The following ZNF142 variants were observed in gnomAD, a reference collection of about 807,000 sequenced individuals.
ZNF142 encodes zinc finger protein 142 (clone pHZ-49).
ZNF142 carries 96 observed loss-of-function variants against 132.1 expected under a neutral mutation model. The observed-to-expected ratio is 0.73, with a 90% CI of 0.62 to 0.86. The LOEUF (loss-of-function observed/expected upper bound fraction) is 0.86. Ranked by LOEUF, ZNF142 falls within the 40% of genes least tolerant of loss-of-function variation. ZNF142 has a pLI of 0.00. For missense variants in ZNF142, 2,163 were observed against 2,336.2 expected (o/e 0.93, Z 1.53); for synonymous variants, 842 against 890.1 (o/e 0.95, Z 0.96).
At chr2:218,657,132 C>G (rs920947157) in intron 3 of ZNF142, among the ~76,000 whole-genome samples, 2 of 151,728 alleles carry the variant, frequency 1.3e-5, no homozygotes, top group African/African-American at 4.8e-5. Context: ...TCCCTCTTAA[C>G]CTTTGATAAT....
chr2:218,642,538 G>T lies in ZNF142; in HGVS notation c.4578C>A (p.Gly1526=), dbSNP rs200574990. ...ACCCACAGCGGGAACAGTGCAGGGGGCCCTCAGTGGTCTCTGCAGGAGAGC... is the reference window on the plus strand; with the variant it reads ...ACCCACAGCGGGAACAGTGCAGGGGTCCCTCAGTGGTCTCTGCAGGAGAGC... The part of the protein sequence containing the change: ...APGSPAETTE[G]PLHCSRCGLL... Residue 1526 remains glycine (G), a synonymous_variant, in exon 9 of 11, where the codon GGC becomes GGA. Transcript: ENST00000411696. The surrounding 1 kb of genome is among the most constrained non-coding windows in gnomAD (Gnocchi z 4.6). The T allele has an allele frequency of 1.4e-5, 23 of 1,611,432 alleles. No homozygotes were observed. The highest frequency in any genetic ancestry group is 2.0e-5 in the Non-Finnish European group (23 of 1,178,650).
chr2:218,639,395 A>C (rs985430765), intron 10 of ZNF142, among the ~76,000 whole-genome samples: 1 of 152,198 alleles, frequency 6.6e-6, no homozygotes, highest in African/African-American at 2.4e-5. Flanking sequence ...GGGACCTCTA[A>C]CCAACTAGCT....
intron 4 of ZNF142, among the ~76,000 whole-genome samples, chr2:218,654,767 A>C (rs1938331302): frequency 7.2e-6 from 1 of 139,738 alleles, no homozygotes; most frequent in Non-Finnish European, 1.6e-5. Context: ...TTGCACATAG[A>C]TTTCTTTTTC....
At position 218,635,650 on chromosome 2, in the gene ZNF142, T is replaced by C; in HGVS notation, c.*2689A>G. Reference sequence around the variant, plus strand: ...GCCCGGCCTTTGGGTGCATTTTAAATTGCAGATAGAATACTAGAAGAAAAT... The same window carrying C: ...GCCCGGCCTTTGGGTGCATTTTAAACTGCAGATAGAATACTAGAAGAAAAT... On this transcript the variant is annotated 3_prime_UTR_variant, in exon 11 of 11. Coordinates refer to ENST00000411696, the MANE Select transcript of ZNF142 (RefSeq NM_001379659.1). 3.3e-6 allele frequency: 4 copies of C among 1,202,522 alleles called. No individual in the cohort carries two copies. Among genetic ancestry groups the C allele is most frequent in the Non-Finnish European group, 4.6e-6 (4 of 877,498 alleles). 74.5% of individuals were successfully genotyped at this position (1,202,522 alleles called of 1,614,324 possible).
At chr2:218,651,574 TC>T in intron 5 of ZNF142, 126 bp downstream of exon 5, 4 of 1,066,192 alleles carry the variant, frequency 3.8e-6, no homozygotes, top group Non-Finnish European at 4.8e-6. Flanking sequence ...AACTCCATCC[TC>T]CTGAGCCACT....
At chr2:218,652,704 G>C (rs1220678981) in intron 4 of ZNF142, among the ~76,000 whole-genome samples, 1 of 148,298 alleles carries the variant, frequency 6.7e-6, no homozygotes, top group Non-Finnish European at 1.5e-5. Context: ...CTTTACAAAG[G>C]CACAGGAATG....
chr2:218,651,869 G>A lies in ZNF142; in HGVS notation c.712C>T (p.Gln238Ter). The change falls in exon 5 of 11, where the codon CAG becomes TAG. Residue 238 changes from glutamine to a stop codon, truncating the protein, a stop_gained. Coordinates refer to ENST00000411696, the MANE Select transcript of ZNF142 (RefSeq NM_001379659.1). LOFTEE classifies it high-confidence loss of function. ...GCCTGCCGGTGCAGCTCCATGCCCT[G>A]CTGGCTCCCGAAAAGCAGGGGGCAG... is the stretch of plus-strand genomic sequence containing the variant. ...RGCPLLFGSQ[Q>*]GMELHRQAHY... The A allele has an allele frequency of 3.9e-6, 5 of 1,289,890 alleles. No homozygotes were observed. The highest frequency in any genetic ancestry group is 5.1e-6 in the Non-Finnish European group (5 of 988,880). 79.9% of individuals were successfully genotyped at this position (1,289,890 alleles called of 1,614,324 possible).
At chr2:218,647,879 C>T (rs1374574554) in intron 7 of ZNF142, among the ~76,000 whole-genome samples, 1 of 152,142 alleles carries the variant, frequency 6.6e-6, no homozygotes, top group East Asian at 1.9e-4. Flanking sequence ...CTTTATCTGC[C>T]TTACTTAAAA....
At position 218,638,319 on chromosome 2, in the gene ZNF142, A is replaced by C. The variant is rs758244416; in HGVS notation, c.*20T>G. 6.7e-7 allele frequency: 1 copy of C among 1,501,236 alleles called. No homozygotes were observed. The highest frequency in any genetic ancestry group is 1.4e-5 in the South Asian group (1 of 73,144). The allele number at this position is 1,501,236 out of a possible 1,614,324, so 93.0% of individuals were successfully genotyped here. A position where few individuals can be genotyped will look rare whatever the true frequency, so the allele number is the denominator to read the frequency against. ...ATCTCAGACCATACCCTCTTCCTAT[A>C]CAGGAGGTGGGGCAGGCTTTCAGCC... is the stretch of plus-strand genomic sequence containing the variant. On this transcript the variant is annotated 3_prime_UTR_variant, in exon 11 of 11. Coordinates refer to ENST00000411696, the MANE Select transcript of ZNF142 (RefSeq NM_001379659.1).
chr2:218,655,993 TCAA>T (rs1938447437), intron 4 of ZNF142, among the ~76,000 whole-genome samples, 154 bp downstream of exon 4: 1 of 152,206 alleles, frequency 6.6e-6, no homozygotes, highest in South Asian at 2.1e-4. Context: ...CAGCCTTCAA[TCAA>T]CATGCACCAA....
Position 218,634,615 on chromosome 2 carries a change from G to A in ZNF142, c.*3724C>T. 6.2e-7 allele frequency: 1 copy of A among 1,613,876 alleles called. No homozygotes were observed. Among genetic ancestry groups the A allele is most frequent in the Non-Finnish European group, 8.5e-7 (1 of 1,179,846 alleles). On this transcript the variant is annotated 3_prime_UTR_variant, in exon 11 of 11. Coordinates refer to ENST00000411696, the MANE Select transcript of ZNF142 (RefSeq NM_001379659.1). The surrounding 1 kb of genome is among the most constrained non-coding windows in gnomAD (Gnocchi z 4.0). Reference sequence around the variant, plus strand: ...AGCCCATCAGCCCTTTCAAAGCCCAGACTCTCTTAATCCAGGTACAGTGGA... The same window carrying A: ...AGCCCATCAGCCCTTTCAAAGCCCAAACTCTCTTAATCCAGGTACAGTGGA...
At chr2:218,655,833 A>G (rs13425330) in intron 4 of ZNF142, among the ~76,000 whole-genome samples, 5,446 of 152,244 alleles carry the variant, frequency 0.036, 321 homozygotes, top group African/African-American at 0.12. Context: ...TATGGAGGAA[A>G]GAATCTCCAA....
rs1559306638 is a variant in ZNF142 at position 218,656,020 on chromosome 2, GACA to G, written c.280+127_280+129del. Reference sequence around the variant, plus strand: ...AACATGCACCAACTGCAAACCAAATGACAACATCTCCAAGTATAAAAATAGGAT... The same window carrying G: ...AACATGCACCAACTGCAAACCAAATGACATCTCCAAGTATAAAAATAGGAT... On this transcript the variant is annotated intron_variant, in intron 4 of 10. Coordinates refer to ENST00000411696, the MANE Select transcript of ZNF142 (RefSeq NM_001379659.1). 33 of 1,208,934 alleles carry G rather than the reference GACA, an allele frequency of 2.7e-5. No homozygotes were observed. The South Asian group carries it at 6.9e-4, about 25-fold the overall frequency. 74.9% of individuals were successfully genotyped at this position (1,208,934 alleles called of 1,614,324 possible).
Position 218,650,346 on chromosome 2 carries a change from A to C in ZNF142, c.1048+13T>G, listed in dbSNP as rs1937864997. On this transcript the variant is annotated intron_variant, in intron 6 of 10. Transcript: ENST00000411696. ...CCCACCACCAAGGGCTTCAAGCCTC[A>C]GAATGTCATTACCTTCCAGCCGCTG... is the stretch of plus-strand genomic sequence containing the variant. The C allele has an allele frequency of 6.2e-7, 1 of 1,613,990 alleles. No individual in the cohort carries two copies. Among genetic ancestry groups the C allele is most frequent in the Admixed American group, 1.7e-5 (1 of 60,010 alleles).
chr2:218,642,257 C>A lies in ZNF142; in HGVS notation c.4859G>T (p.Gly1620Val). 6.2e-7 allele frequency: 1 copy of A among 1,614,106 alleles called. No individual in the cohort carries two copies. The change falls in exon 9 of 11, where the codon GGC becomes GTC. Residue 1620 changes from glycine (G) to valine (V), a missense_variant. Gly to Val is a moderately radical substitution (Grantham distance 109). Around this residue, in one of 7 missense-constraint regions of ZNF142, gnomAD observed 325 missense variants for 367.8 expected, o/e 0.88. Transcript: ENST00000411696. This position sits in a 1 kb window ranked among gnomAD's most constrained non-coding sequence, Gnocchi z 4.6. The stretch of plus-strand genomic sequence containing the variant: ...AAAGGGGCAGTGTAGCGGGGGCTGG[C>A]CAGCATCCCCATCCCCATCTGAGGC... ...VAASDGDGDA[G>V]QPPLHCPFCD... is the part of the protein sequence containing the mutation.
intron 4 of ZNF142, among the ~76,000 whole-genome samples, chr2:218,654,891 C>T (rs1343549168): frequency 6.6e-6 from 1 of 152,008 alleles, no homozygotes; most frequent in Non-Finnish European, 1.5e-5. Context: ...TCAAGACTAG[C>T]CTGGGCAACA....
chr2:218,644,380 A>C lies in ZNF142; in HGVS notation c.2736T>G (p.Leu912=). Residue 912 remains leucine, a synonymous_variant, in exon 9 of 11, where the codon CTT becomes CTG. Coordinates refer to ENST00000411696, the MANE Select transcript of ZNF142 (RefSeq NM_001379659.1). The surrounding 1 kb of genome is among the most constrained non-coding windows in gnomAD (Gnocchi z 4.6). The part of the protein sequence containing the change: ...VELESVTEPP[L]EEVTETAPME... Reference sequence around the variant, plus strand: ...TAGGGGCTGTTTCAGTGACCTCCTCAAGGGGTGGCTCAGTCACAGACTCCA... The same window carrying C: ...TAGGGGCTGTTTCAGTGACCTCCTCCAGGGGTGGCTCAGTCACAGACTCCA... 1 of 1,614,024 alleles carries C rather than the reference A, an allele frequency of 6.2e-7. No homozygotes were observed. Among genetic ancestry groups the C allele is most frequent in the Non-Finnish European group, 8.5e-7 (1 of 1,179,984 alleles).
Position 218,642,928 on chromosome 2 carries a change from C to A in ZNF142, c.4188G>T (p.Gly1396=). 1 of 1,613,670 alleles carries A rather than the reference C, an allele frequency of 6.2e-7. No homozygotes were observed. The highest frequency in any genetic ancestry group is 1.1e-5 in the South Asian group (1 of 91,088). ...AGAAGGGGCACTGATGGGGCTTCAC[C>A]CCCTCGTGCTTGAGCCGCCGGTGCT... The part of the protein sequence containing the change: ...MQQHRRLKHE[G]VKPHQCPFCD... Residue 1396 remains glycine (G), a synonymous_variant, in exon 9 of 11, where the codon GGG becomes GGT. Coordinates refer to ENST00000411696, the MANE Select transcript of ZNF142 (RefSeq NM_001379659.1). This position sits in a 1 kb window ranked among gnomAD's most constrained non-coding sequence, Gnocchi z 4.6.
chr2:218,651,282 C>G (rs922005995), intron 5 of ZNF142, among the ~76,000 whole-genome samples: 1 of 152,178 alleles, frequency 6.6e-6, no homozygotes, highest in Non-Finnish European at 1.5e-5. Flanking sequence ...GTGCCCAGCC[C>G]AAAGGGTTAT....
Sources: gnomAD v4.1 joint callset for allele counts (sites outside exome capture counted in the v4.1 genomes callset) on GRCh38, gnomAD v4.1.1 for gene constraint, gnomAD v4.1.1 regional missense constraint, Gnocchi (gnomAD v3.1) non-coding constraint, MANE v1.5 for transcripts, NCBI Gene and HGNC (gene_info 2026-07-23, HGNC 2026-07-21) for gene names.